Variants in SCN2B observed in about 807,000 individuals in gnomAD.
SCN2B encodes sodium voltage-gated channel beta subunit 2.
Under a neutral mutation model 18.2 loss-of-function variants are expected in SCN2B, and 14 were observed. The observed-to-expected ratio is 0.77, with a 90% confidence interval of 0.51 to 1.21. SCN2B has a LOEUF of 1.21. SCN2B is among the 50% of genes most tolerant of loss of function. The pLI is 0.00. For missense variants in SCN2B, 262 were observed against 286.9 expected (o/e 0.91, Z 0.63); for synonymous variants, 115 against 115.3 (o/e 1.00, Z 0.02).
At position 118,168,255 on chromosome 11, in the gene SCN2B, T is replaced by G; in HGVS notation, c.278A>C (p.Glu93Ala). 6.2e-7 allele frequency: 1 copy of G among 1,614,190 alleles called. No individual in the cohort carries two copies. The highest frequency in any genetic ancestry group is 8.5e-7 in the Non-Finnish European group (1 of 1,180,022). ...FRMKIINLKL[E>A]RFQDRVEFSG... is the part of the protein sequence containing the mutation. ...GAACTCCACGCGGTCTTGAAACCGC[T>G]CCAGCTTCAGGTTAATGATCTTCAT... The change falls in exon 3 of 4, where the codon GAG becomes GCG. Residue 93 changes from glutamate to alanine, a missense_variant. Glu to Ala is a moderately radical substitution (Grantham distance 107, BLOSUM62 -1). Coordinates refer to ENST00000278947, the MANE Select transcript of SCN2B (RefSeq NM_004588.5). The surrounding 1 kb of genome is among the most constrained non-coding windows in gnomAD (Gnocchi z 4.7).
intron 3 of SCN2B, among the ~76,000 whole-genome samples, chr11:118,167,533 C>A (rs190063276): frequency 5.4e-4 from 82 of 152,272 alleles, no homozygotes; most frequent in Admixed American, 3.3e-3. Context: ...TAAATGAAAG[C>A]TGCCATCATC....
At chr11:118,167,228 A>G (rs1591444381) in intron 3 of SCN2B, 142 bp from the exon 4 acceptor site, 5 of 865,716 alleles carry the variant, frequency 5.8e-6, no homozygotes, top group Non-Finnish European at 7.0e-6. Context: ...AAAGCAATCC[A>G]GTGACTGACC....
At chr11:118,169,205 A>G (rs1381987232) in intron 1 of SCN2B, among the ~76,000 whole-genome samples, 1 of 152,100 alleles carries the variant, frequency 6.6e-6, no homozygotes, top group East Asian at 1.9e-4. Context: ...AAATCGTCAC[A>G]TCATCTATAT....
In SCN2B at chr11:118,165,846, T is replaced by C. The variant is rs1467852378; in HGVS notation, c.*1041A>G. 6.6e-6 allele frequency: 1 copy of C among 152,282 alleles called. No homozygotes were observed. The highest frequency in any genetic ancestry group is 1.5e-5 in the Non-Finnish European group (1 of 68,076). The allele number at this position is 152,282 out of a possible 1,614,324, so 9.4% of individuals were successfully genotyped here. On this transcript the variant is annotated 3_prime_UTR_variant, in exon 4 of 4. Coordinates refer to ENST00000278947, the MANE Select transcript of SCN2B (RefSeq NM_004588.5). ...GCTGCAGATGGGACAGGGCTGGCAT[T>C]GGCAGCTCAGGTTCCAAGGCCTCCC... is the stretch of plus-strand genomic sequence containing the variant.
At position 118,176,465 on chromosome 11, in the gene SCN2B, CGGGAGAGGGTGATTTGAGG is replaced by C; in HGVS notation, c.-53_-35del. The stretch of plus-strand genomic sequence containing the variant: ...ACTGAGATGTTAGTCGGGTGGGCTA[CGGGAGAGGGTGATTTGAGG>C]GGGCGAGAACTACAAGGGAGGAATG... On this transcript the variant is annotated 5_prime_UTR_variant, in exon 1 of 4. It introduces an in-frame stop codon into an upstream open reading frame of the 5' UTR. Coordinates refer to ENST00000278947, the MANE Select transcript of SCN2B (RefSeq NM_004588.5). The C allele has an allele frequency of 6.4e-7, 1 of 1,568,390 alleles. No homozygotes were observed. The highest frequency in any genetic ancestry group is 1.7e-4 in the Middle Eastern group (1 of 5,972).
At chr11:118,171,667 G>C (rs1429297666) in intron 1 of SCN2B, among the ~76,000 whole-genome samples, 1 of 152,202 alleles carries the variant, frequency 6.6e-6, no homozygotes, top group Non-Finnish European at 1.5e-5. Flanking sequence ...CGTGGGGGAG[G>C]GCAGGGTAGA....
chr11:118,166,978 T>C lies in SCN2B; in HGVS notation c.557A>G (p.Lys186Arg). The C allele has an allele frequency of 1.2e-6, 2 of 1,614,084 alleles. No individual in the cohort carries two copies. The highest frequency in any genetic ancestry group is 2.2e-5 in the East Asian group (1 of 44,884). ...ATCTGTGCTCAGCTTCTGCTCTTTTTTTCTCCTCACACACTTGACCACCAT... is the reference window on the plus strand; with the variant it reads ...ATCTGTGCTCAGCTTCTGCTCTTTTCTTCTCCTCACACACTTGACCACCAT... Reference protein sequence around the residue: ...VLMVVKCVRRKKEQKLSTDDL... With the variant: ...VLMVVKCVRRRKEQKLSTDDL... The change falls in exon 4 of 4, where the codon AAA (lysine) becomes AGA (arginine). Residue 186 changes from lysine (K) to arginine (R), a missense_variant. Physicochemically the swap from Lys to Arg is conservative, Grantham distance 26. Coordinates refer to ENST00000278947, the MANE Select transcript of SCN2B (RefSeq NM_004588.5).
rs1238310862 is a variant in SCN2B at position 118,168,922 on chromosome 11, C to T, written c.71-171G>A. On this transcript the variant is annotated intron_variant, in intron 1 of 3. Coordinates refer to ENST00000278947, the MANE Select transcript of SCN2B (RefSeq NM_004588.5). This position sits in a 1 kb window ranked among gnomAD's most constrained non-coding sequence, Gnocchi z 4.7. ...AGGTGGGAGTTACTGTTATTTGCAA[C>T]AGGGTCTCTGTTGCCCAAGCTGGAG... Among the ~76,000 whole-genome samples, 1 of 152,152 alleles carries T rather than the reference C, an allele frequency of 6.6e-6. No homozygotes were observed. The highest frequency in any genetic ancestry group is 6.5e-5 in the Admixed American group (1 of 15,276).
rs1948377800 is a variant in SCN2B, at chr11:118,165,941, A to C, written c.*946T>G. ...GCCAGGTGGAAACCCCACCAAGGGC[A>C]ACTGGGAGAGTTCTCACTGAAGCCC... On this transcript the variant is annotated 3_prime_UTR_variant, in exon 4 of 4. Transcript: ENST00000278947. 1 of 152,348 alleles carries C rather than the reference A, an allele frequency of 6.6e-6. No individual in the cohort carries two copies. Among genetic ancestry groups the C allele is most frequent in the African/African-American group, 2.4e-5 (1 of 41,470 alleles). The allele number at this position is 152,348 out of a possible 1,614,324, so 9.4% of individuals were successfully genotyped here. A position where few individuals can be genotyped will look rare whatever the true frequency, so the allele number is the denominator to read the frequency against.
In SCN2B at chr11:118,166,805, C is replaced by G; in HGVS notation, c.*82G>C. ...GGGGTCCTAGGTCACGGGAAGCACA[C>G]CAAGAGCGAGCAGGCAGGGTCACTG... On this transcript the variant is annotated 3_prime_UTR_variant, in exon 4 of 4. Transcript: ENST00000278947. The G allele has an allele frequency of 3.2e-6, 5 of 1,574,614 alleles. No homozygotes were observed. The highest frequency in any genetic ancestry group is 4.3e-6 in the Non-Finnish European group (5 of 1,152,028).
At chr11:118,176,309 C>G in intron 1 of SCN2B, 53 bp downstream of exon 1, 1 of 1,487,696 alleles carries the variant, frequency 6.7e-7, no homozygotes, top group Non-Finnish European at 9.4e-7. Context: ...ATCCTCTTCA[C>G]ATTGCGGCTA....
Position 118,168,061 on chromosome 11 carries a change from C to T in SCN2B, c.448+24G>A, listed in dbSNP as rs373620270. On this transcript the variant is annotated intron_variant, in intron 3 of 3. Transcript: ENST00000278947. The surrounding 1 kb of genome is among the most constrained non-coding windows in gnomAD (Gnocchi z 4.7). Reference sequence around the variant, plus strand: ...AGGTGGGTGGGAAAGGTCAGGGCCCCGCAGCTGGCACCCCAGCCTTCACCT... The same window carrying T: ...AGGTGGGTGGGAAAGGTCAGGGCCCTGCAGCTGGCACCCCAGCCTTCACCT... 24 of 1,602,460 alleles carry T rather than the reference C, an allele frequency of 1.5e-5. No individual in the cohort carries two copies. The highest frequency in any genetic ancestry group is 9.4e-5 in the African/African-American group (7 of 74,616).
At position 118,168,696 on chromosome 11, in the gene SCN2B, A is replaced by G. The variant is rs376336851; in HGVS notation, c.126T>C (p.Asn42=). 2.1e-5 allele frequency: 34 copies of G among 1,614,230 alleles called. No individual in the cohort carries two copies. The African/African-American group carries it at 4.5e-4, about 22-fold the overall frequency. The change falls in exon 2 of 4, where the codon AAT becomes AAC. Residue 42 remains asparagine (N), a synonymous_variant. Transcript: ENST00000278947. This position sits in a 1 kb window ranked among gnomAD's most constrained non-coding sequence, Gnocchi z 4.7. ...TGCAGGGCAGGCGGGCGTCAGAGCCATTGAGGACGTTGAGGGTGGCAGGTA... is the reference window on the plus strand; with the variant it reads ...TGCAGGGCAGGCGGGCGTCAGAGCCGTTGAGGACGTTGAGGGTGGCAGGTA... ...VTVPATLNVL[N]GSDARLPCTF...
Position 118,164,724 on chromosome 11 carries a change from A to G in SCN2B, c.*2163T>C, listed in dbSNP as rs536205724. The stretch of plus-strand genomic sequence containing the variant: ...CCAAAAAGTTAATCTTGGTCCCTAC[A>G]GTGCCAACCTGGCAGTCCCCAGTGC... On this transcript the variant is annotated 3_prime_UTR_variant, in exon 4 of 4. Coordinates refer to ENST00000278947, the MANE Select transcript of SCN2B (RefSeq NM_004588.5). 6.5e-6 allele frequency: 1 copy of G among 152,838 alleles called. No individual in the cohort carries two copies. The highest frequency in any genetic ancestry group is 2.1e-4 in the South Asian group (1 of 4,832). The allele number at this position is 152,838 out of a possible 1,614,324, so 9.5% of individuals were successfully genotyped here. A position where few individuals can be genotyped will look rare whatever the true frequency, so the allele number is the denominator to read the frequency against.
chr11:118,171,421 T>C (rs1004867644), intron 1 of SCN2B, among the ~76,000 whole-genome samples: 18 of 152,346 alleles, frequency 1.2e-4, no homozygotes, highest in African/African-American at 4.3e-4. Flanking sequence ...CCCAGAGCTC[T>C]GAGGGAAGGC....
At chr11:118,175,225 C>G (rs946664688) in intron 1 of SCN2B, among the ~76,000 whole-genome samples, 1 of 152,162 alleles carries the variant, frequency 6.6e-6, no homozygotes, top group African/African-American at 2.4e-5. Context: ...TTAGTTTACC[C>G]GGGAGGGAAC....
In SCN2B at chr11:118,176,274, G is replaced by A; in HGVS notation, c.70+88C>T. 8 of 1,231,806 alleles carry A rather than the reference G, an allele frequency of 6.5e-6. No individual in the cohort carries two copies. The South Asian group carries it at 9.7e-5, about 15-fold the overall frequency. The allele number at this position is 1,231,806 out of a possible 1,614,324, so 76.3% of individuals were successfully genotyped here. ...GACACAGAGGGAAAGCGCTAGCAAT[G>A]TCTTCTTTCCTATCCCCTGCCCCCA... On this transcript the variant is annotated intron_variant, in intron 1 of 3. Coordinates refer to ENST00000278947, the MANE Select transcript of SCN2B (RefSeq NM_004588.5).
intron 1 of SCN2B, among the ~76,000 whole-genome samples, chr11:118,176,083 G>A (rs969685029): frequency 1.1e-4 from 16 of 152,114 alleles, no homozygotes; most frequent in African/African-American, 1.9e-4. Context: ...CCACCGCCAC[G>A]TAGGTCCACT....
Position 118,175,986 on chromosome 11 carries a change from A to T in SCN2B, c.70+376T>A, listed in dbSNP as rs1297768395. ...CAAGCTTCTGAAAAGAAGCCCCTTAAGGGAGCATTAAGTCCCAGGACCCCG... is the reference window on the plus strand; with the variant it reads ...CAAGCTTCTGAAAAGAAGCCCCTTATGGGAGCATTAAGTCCCAGGACCCCG... On this transcript the variant is annotated intron_variant, in intron 1 of 3. Coordinates refer to ENST00000278947, the MANE Select transcript of SCN2B (RefSeq NM_004588.5). Among the ~76,000 whole-genome samples, 5 of 152,300 alleles carry T rather than the reference A, an allele frequency of 3.3e-5. No homozygotes were observed. In the East Asian group the frequency reaches 9.6e-4, roughly 29 times the overall value.
Sources: allele counts gnomAD v4.1 joint callset (sites outside exome capture counted in the v4.1 genomes callset), GRCh38; gene constraint gnomAD v4.1.1; non-coding constraint Gnocchi (gnomAD v3.1); transcripts MANE v1.5; gene names NCBI Gene and HGNC (gene_info 2026-07-23, HGNC 2026-07-21).